DPY19L1: variants seen among roughly 807,000 people sequenced by gnomAD.
DPY19L1 encodes the protein dpy-19 like C-mannosyltransferase 1.
DPY19L1 carries 35 observed loss-of-function variants against 96.9 expected under a neutral mutation model. That is an observed-to-expected ratio of 0.36 (90% CI 0.28 to 0.48). DPY19L1 has a LOEUF of 0.48. DPY19L1 is among the 20% of genes least tolerant of loss of function. The pLI, the probability that DPY19L1 is intolerant of heterozygous loss-of-function variation, is 0.99. For synonymous variants in DPY19L1, 205 were observed against 252.6 expected, an observed-to-expected ratio of 0.81 and a Z score of 1.79; for missense variants, 521 against 777.9, an observed-to-expected ratio of 0.67 and a Z score of 3.93.
At chr7:34,941,698 T>C in intron 18 of DPY19L1, 67 bp downstream of exon 18, 1 of 1,503,428 alleles carries the variant, frequency 6.7e-7, no homozygotes. Flanking sequence ...TAATTCATTA[T>C]TTTAGGGCCA....
intron 19 of DPY19L1, 43 bp downstream of exon 19, chr7:34,940,110 C>G (rs758242809): frequency 1.4e-6 from 2 of 1,434,206 alleles, no homozygotes; most frequent in Non-Finnish European, 1.8e-6. Context: ...GTGGGAAAAA[C>G]AGCTAAATAA....
chr7:34,966,947 C>T lies in DPY19L1; in HGVS notation c.1039G>A (p.Val347Ile), dbSNP rs1011434958. ...TTACATATATCAATGTACCCGACAA[C>T]ATATACTGCAAATAATGATGCAATC... is the stretch of plus-strand genomic sequence containing the variant. ...TQIASLFAVY[V>I]VGYIDICKLR... The change falls in exon 10 of 22, where the codon GTT becomes ATT. Residue 347 changes from valine to isoleucine, a missense_variant. Physicochemically the swap from Val to Ile is conservative, Grantham distance 29. Transcript: ENST00000638088. 1 of 1,537,208 alleles carries T rather than the reference C, an allele frequency of 6.5e-7. No individual in the cohort carries two copies. Among genetic ancestry groups the T allele is most frequent in the Non-Finnish European group, 8.7e-7 (1 of 1,143,478 alleles).
intron 3 of DPY19L1, among the ~76,000 whole-genome samples, chr7:35,016,364 T>C (rs1785848591): frequency 6.6e-6 from 1 of 152,224 alleles, no homozygotes; most frequent in Admixed American, 6.5e-5. Context: ...AAGAAGGTAC[T>C]CCATTGATCA....
At chr7:34,950,250 C>A (rs898693435) in intron 13 of DPY19L1, among the ~76,000 whole-genome samples, 2 of 152,092 alleles carry the variant, frequency 1.3e-5, no homozygotes, top group African/African-American at 4.8e-5. Context: ...ACACAGACTT[C>A]TTTTAATCAT....
rs911271054 is a variant in DPY19L1, at chr7:35,011,385, C to A, written c.615G>T (p.Lys205Asn). The A allele has an allele frequency of 2.5e-6, 4 of 1,613,430 alleles. No individual in the cohort carries two copies. The African/African-American group carries it at 5.3e-5, about 22-fold the overall frequency. ...CTCCTCTGGTAACCGTCCAACATATCTTGGTTTGAATACCAATCAAGTCCA... is the reference window on the plus strand; with the variant it reads ...CTCCTCTGGTAACCGTCCAACATATATTGGTTTGAATACCAATCAAGTCCA... ...KIMDLIGIQT[K>N]ICWTVTRGEG... The change falls in exon 5 of 22, where the codon AAG becomes AAT. Residue 205 changes from lysine (K) to asparagine (N), a missense_variant. Coordinates refer to ENST00000638088, the MANE Select transcript of DPY19L1 (RefSeq NM_001366673.1).
chr7:34,951,057 A>G (rs1487205020), intron 13 of DPY19L1, among the ~76,000 whole-genome samples: 2 of 152,150 alleles, frequency 1.3e-5, no homozygotes, highest in African/African-American at 2.4e-5. Flanking sequence ...TAAGCAAAAA[A>G]TATATGAAAA....
intron 3 of DPY19L1, 77 bp downstream of exon 3, chr7:35,017,805 A>T (rs898314253): frequency 5.9e-6 from 7 of 1,183,244 alleles, no homozygotes; most frequent in Non-Finnish European, 8.2e-6. Flanking sequence ...GAACATCTTG[A>T]AATTTTCCAT....
chr7:34,940,528 T>C (rs932369259), intron 18 of DPY19L1, among the ~76,000 whole-genome samples: 14 of 152,104 alleles, frequency 9.2e-5, no homozygotes, highest in African/African-American at 3.1e-4. Flanking sequence ...TGGAACACAA[T>C]GTAGGAAGCT....
In DPY19L1 at chr7:35,033,711, C is replaced by G. The variant is rs1339404278; in HGVS notation, c.298+3386G>C. ...TAGTCCCCAACAGCTAGATTCAACTCTCTGCCTCCACCCAGTTTCTGACCA... is the reference window on the plus strand; with the variant it reads ...TAGTCCCCAACAGCTAGATTCAACTGTCTGCCTCCACCCAGTTTCTGACCA... On this transcript the variant is annotated intron_variant, in intron 1 of 21. Coordinates refer to ENST00000638088, the MANE Select transcript of DPY19L1 (RefSeq NM_001366673.1). Among the ~76,000 whole-genome samples the G allele has an allele frequency of 1.8e-4, 27 of 152,142 alleles. 1 individual carries two copies. Among genetic ancestry groups the G allele is most frequent in the Admixed American group, 1.8e-3 (27 of 15,274 alleles).
chr7:35,004,644 A>T (rs2128676401), intron 6 of DPY19L1, among the ~76,000 whole-genome samples: 1 of 152,366 alleles, frequency 6.6e-6, no homozygotes, highest in Admixed American at 6.5e-5. Context: ...AACATTTTAC[A>T]CATAAAAAAG....
At chr7:34,992,922 C>T (rs1785204873) in intron 6 of DPY19L1, among the ~76,000 whole-genome samples, 2 of 152,136 alleles carry the variant, frequency 1.3e-5, no homozygotes, top group Non-Finnish European at 2.9e-5. Context: ...CTAAAAATGT[C>T]TCTGCCTCTG....
rs1475046061 is a variant in DPY19L1 at position 35,037,180 on chromosome 7, CCAAGG to C, written c.210_214del (p.Leu71GlyfsTer44). 1 of 146,374 alleles carries C rather than the reference CCAAGG, an allele frequency of 6.8e-6. No homozygotes were observed. The highest frequency in any genetic ancestry group is 2.5e-5 in the African/African-American group (1 of 40,296). The allele number at this position is 146,374 out of a possible 1,614,324, so 9.1% of individuals were successfully genotyped here. A position where few individuals can be genotyped will look rare whatever the true frequency, so the allele number is the denominator to read the frequency against. ...GCGCAGCCGGGCGGCCAGGCGCCCCCCAAGGCCGCCCCCGGCGGGCGGCGCGCCGG... is the reference window on the plus strand; with the variant it reads ...GCGCAGCCGGGCGGCCAGGCGCCCCCCCGCCCCCGGCGGGCGGCGCGCCGG... On this transcript the variant is annotated frameshift_variant, in exon 1 of 22. Coordinates refer to ENST00000638088, the MANE Select transcript of DPY19L1 (RefSeq NM_001366673.1). LOFTEE classifies it high-confidence loss of function.
chr7:35,028,526 T>G (rs2128682964), intron 1 of DPY19L1, among the ~76,000 whole-genome samples: 1 of 152,368 alleles, frequency 6.6e-6, no homozygotes, highest in African/African-American at 2.4e-5. Context: ...TAAATTCTAA[T>G]TTCCCTTAAA....
At chr7:35,024,374 T>A (rs1786072920) in intron 1 of DPY19L1, among the ~76,000 whole-genome samples, 1 of 152,232 alleles carries the variant, frequency 6.6e-6, no homozygotes. Context: ...AATCCCTTCC[T>A]AACATTACTA....
rs73691605 is a variant in DPY19L1 at position 34,990,058 on chromosome 7, G to T, written c.765-117C>A. ...TATATAAGATTTTATAGTCATACTA[G>T]AACTCTCCTATGCTTATTTACAAAA... On this transcript the variant is annotated intron_variant, in intron 6 of 21. Coordinates refer to ENST00000638088, the MANE Select transcript of DPY19L1 (RefSeq NM_001366673.1). 1,327 of 638,018 alleles carry T rather than the reference G, an allele frequency of 2.1e-3. 16 individuals carry two copies. In the African/African-American group the frequency reaches 0.023, roughly 11 times the overall value. The allele number at this position is 638,018 out of a possible 1,614,324, so 39.5% of individuals were successfully genotyped here.
chr7:34,992,179 A>T (rs1487185760), intron 6 of DPY19L1, among the ~76,000 whole-genome samples: 1 of 152,092 alleles, frequency 6.6e-6, no homozygotes, highest in East Asian at 1.9e-4. Flanking sequence ...TTTTCTCCTT[A>T]GATAGGTGAA....
intron 1 of DPY19L1, among the ~76,000 whole-genome samples, chr7:35,030,113 G>A (rs181183598): frequency 1.3e-4 from 20 of 152,154 alleles, no homozygotes; most frequent in East Asian, 3.9e-4. Flanking sequence ...TAAACTTAGC[G>A]GAAAACAATT....
chr7:34,968,829 G>C (rs1784665539), intron 9 of DPY19L1, among the ~76,000 whole-genome samples: 1 of 106,958 alleles, frequency 9.3e-6, no homozygotes, highest in Admixed American at 9.7e-5. Flanking sequence ...AAATATATCA[G>C]TACAATAAAA....
At chr7:35,016,373 C>T (rs890112932) in intron 3 of DPY19L1, among the ~76,000 whole-genome samples, 3 of 152,158 alleles carry the variant, frequency 2.0e-5, no homozygotes, top group African/African-American at 7.2e-5. Flanking sequence ...CTCCATTGAT[C>T]ACTACTAGAA....
Sources: gnomAD v4.1 joint callset for allele counts (sites outside exome capture counted in the v4.1 genomes callset) on GRCh38, gnomAD v4.1.1 for gene constraint, MANE v1.5 for transcripts, NCBI Gene and HGNC (gene_info 2026-07-23, HGNC 2026-07-21) for gene names.